ELFN2: variants seen among roughly 807,000 people sequenced by gnomAD.
The protein encoded by ELFN2 is protein phosphatase 1 regulatory subunit 29.
In ELFN2, 17 loss-of-function variants were observed where a neutral mutation model predicts 45.5. The observed-to-expected ratio is 0.37, with a 90% CI of 0.26 to 0.56. The LOEUF (loss-of-function observed/expected upper bound fraction) is 0.56, where lower values mean the gene tolerates loss of function less well. Among genes scored for constraint, ELFN2 ranks in the 20% least tolerant of loss-of-function variants. The pLI, the probability that ELFN2 is intolerant of heterozygous loss-of-function variation, is 0.77. For synonymous variants in ELFN2, 550 were observed against 551.5 expected (o/e 1.00, Z 0.04); for missense variants, 922 against 1,183.2 (o/e 0.78, Z 3.24).
At chr22:37,412,453 T>C (rs558343738) in intron 2 of ELFN2, among the ~76,000 whole-genome samples, 1 of 150,032 alleles carries the variant, frequency 6.7e-6, no homozygotes, top group East Asian at 2.0e-4. Context: ...CAGGACTCCC[T>C]CCTCCAGCAC....
intron 2 of ELFN2, among the ~76,000 whole-genome samples, chr22:37,384,671 G>A (rs1279430921): frequency 2.4e-4 from 1 of 4,188 alleles, no homozygotes; most frequent in Non-Finnish European, 4.2e-4. Flanking sequence ...ACCTGACCCC[G>A]CTTCCCACTC....
chr22:37,423,088 G>A (rs1171674815), intron 1 of ELFN2, among the ~76,000 whole-genome samples: 2 of 152,080 alleles, frequency 1.3e-5, no homozygotes, highest in Non-Finnish European at 2.9e-5. Context: ...CGATAGACTC[G>A]GGACCTGAAG....
intron 2 of ELFN2, among the ~76,000 whole-genome samples, chr22:37,397,026 C>A (rs529719025): frequency 6.6e-6 from 1 of 152,280 alleles, no homozygotes; most frequent in African/African-American, 2.4e-5. Flanking sequence ...CTCCCTGCAG[C>A]CCCAGGGCTA....
intron 2 of ELFN2, among the ~76,000 whole-genome samples, chr22:37,379,513 C>T (rs1931687912): frequency 6.6e-6 from 1 of 152,196 alleles, no homozygotes; most frequent in Non-Finnish European, 1.5e-5. Flanking sequence ...TCCCTTCAGG[C>T]CCCAAGTGCC....
At chr22:37,425,254 C>T (rs1932839231) in intron 1 of ELFN2, among the ~76,000 whole-genome samples, 1 of 152,156 alleles carries the variant, frequency 6.6e-6, no homozygotes, top group Non-Finnish European at 1.5e-5. Flanking sequence ...CATTGGAGGC[C>T]TCCAGGCCCA....
intron 2 of ELFN2, among the ~76,000 whole-genome samples, chr22:37,409,293 C>T (rs1932587570): frequency 1.3e-5 from 2 of 152,292 alleles, no homozygotes; most frequent in Admixed American, 1.3e-4. Flanking sequence ...CTCCTGGGCC[C>T]CGAAGCAGCT....
chr22:37,386,184 G>C (rs889278962), intron 2 of ELFN2, among the ~76,000 whole-genome samples: 17 of 152,188 alleles, frequency 1.1e-4, no homozygotes, highest in Non-Finnish European at 2.9e-5. Flanking sequence ...CTGCCAGCTG[G>C]CCTAGCCTAG....
chr22:37,366,831 G>C (rs1393746825), downstream of ELFN2, among the ~76,000 whole-genome samples: 4 of 152,248 alleles, frequency 2.6e-5, no homozygotes, highest in African/African-American at 9.6e-5. Flanking sequence ...GCTGCACTGA[G>C]CCTGTGTGAG....
At chr22:37,350,502 G>A (rs1930797303) in intron 1 of ELFN2, among the ~76,000 whole-genome samples, 1 of 150,488 alleles carries the variant, frequency 6.6e-6, no homozygotes, top group South Asian at 2.1e-4. Context: ...CATTGCTGAG[G>A]AGGCTTTAGA....
intron 1 of ELFN2, among the ~76,000 whole-genome samples, chr22:37,360,352 G>A (rs1424551644): frequency 6.6e-6 from 1 of 152,194 alleles, no homozygotes; most frequent in Non-Finnish European, 1.5e-5. Flanking sequence ...CAGTTCCCTG[G>A]TCCATACACG....
intron 2 of ELFN2, among the ~76,000 whole-genome samples, chr22:37,401,686 C>T (rs1057406976): frequency 1.4e-4 from 22 of 152,212 alleles, no homozygotes; most frequent in Non-Finnish European, 2.8e-4. Context: ...CCCTAGGAGG[C>T]GCGTGAGGTT....
intron 2 of ELFN2, among the ~76,000 whole-genome samples, chr22:37,388,552 A>G (rs1293193241): frequency 6.6e-6 from 1 of 152,226 alleles, no homozygotes; most frequent in Non-Finnish European, 1.5e-5. Context: ...CAAAACCAGG[A>G]TTTGAACCAG....
At chr22:37,382,586 G>A (rs1384901935) in intron 2 of ELFN2, among the ~76,000 whole-genome samples, 2 of 127,314 alleles carry the variant, frequency 1.6e-5, no homozygotes, top group Non-Finnish European at 3.1e-5. Context: ...AGCTAGCTCT[G>A]TCACCCAGGC....
At chr22:37,390,966 T>C (rs1219645020) in intron 2 of ELFN2, among the ~76,000 whole-genome samples, 1 of 152,190 alleles carries the variant, frequency 6.6e-6, no homozygotes, top group East Asian at 1.9e-4. Flanking sequence ...AGCGAGGGGC[T>C]AGACTATGCC....
In ELFN2 at chr22:37,374,738, TG is replaced by T. The variant is rs1931516216; in HGVS notation, c.796del (p.Gln266ArgfsTer72). On this transcript the variant is annotated frameshift_variant, in exon 3 of 3. Coordinates refer to ENST00000402918, the MANE Select transcript of ELFN2 (RefSeq NM_052906.5). LOFTEE classifies it high-confidence loss of function. ...SHPTPYSTDAQREPDENSGFN... is the reference protein window; with the variant it reads ...SHPTPYSTDAXREPDENSGFN... ...GCCCGAGTTCTCGTCTGGCTCCCTC[TG>T]GGCGTCGGTGGAGTAGGGCGTGGGG... is the stretch of plus-strand genomic sequence containing the variant. 2 of 1,611,196 alleles carry T rather than the reference TG, an allele frequency of 1.2e-6. No homozygotes were observed. The highest frequency in any genetic ancestry group is 1.7e-6 in the Non-Finnish European group (2 of 1,178,924).
At chr22:37,365,226 G>A (rs1247166245), downstream of ELFN2, among the ~76,000 whole-genome samples, 3 of 152,320 alleles carry the variant, frequency 2.0e-5, no homozygotes, top group East Asian at 5.8e-4. Context: ...AAACCCTGCA[G>A]CCACAAGGGC....
At chr22:37,343,425 A>G (rs1930608259) in intron 1 of ELFN2, among the ~76,000 whole-genome samples, 1 of 151,830 alleles carries the variant, frequency 6.6e-6, no homozygotes, top group Non-Finnish European at 1.5e-5. Flanking sequence ...GAGGGTTCCC[A>G]TCTGCTGGCC....
At chr22:37,425,952 G>A (rs951660214) in intron 1 of ELFN2, among the ~76,000 whole-genome samples, 8 of 150,986 alleles carry the variant, frequency 5.3e-5, no homozygotes, top group East Asian at 2.0e-4. Context: ...CTCGGTAACC[G>A]CGCCGGGCAG....
intron 2 of ELFN2, among the ~76,000 whole-genome samples, chr22:37,400,977 C>T (rs923065927): frequency 1.6e-4 from 25 of 152,264 alleles, no homozygotes; most frequent in African/African-American, 5.8e-4. Flanking sequence ...TGGCTCTGTG[C>T]CAAGTCCTGG....
Sources: gnomAD v4.1 joint callset for allele counts (sites outside exome capture counted in the v4.1 genomes callset) on GRCh38, gnomAD v4.1.1 for gene constraint, MANE v1.5 for transcripts, NCBI Gene and HGNC (gene_info 2026-07-23, HGNC 2026-07-21) for gene names.